The following IQCM variants were observed in gnomAD, a reference collection of about 807,000 sequenced individuals.
The protein encoded by IQCM is IQ domain-containing protein M.
A neutral mutation model predicts 57.6 loss-of-function variants in IQCM; 45 were observed. The ratio of observed to expected loss-of-function variants is 0.78; its 90% CI spans 0.62 to 1.00. IQCM has a LOEUF of 1.00. IQCM is among the 50% of genes least tolerant of loss of function. The pLI, the probability that IQCM is intolerant of heterozygous loss-of-function variation, is 0.00. For missense variants in IQCM, 468 were observed against 511.6 expected, an observed-to-expected ratio of 0.91 and a Z score of 0.82; for synonymous variants, 148 against 158.9, an observed-to-expected ratio of 0.93 and a Z score of 0.51.
intron 12 of IQCM, among the ~76,000 whole-genome samples, chr4:149,536,254 T>C (rs781283033): frequency 6.6e-6 from 1 of 151,964 alleles, no homozygotes; most frequent in Non-Finnish European, 1.5e-5. Context: ...CTGAAAACAA[T>C]AGAATCCCAT....
intron 13 of IQCM, among the ~76,000 whole-genome samples, chr4:149,386,191 G>A (rs1482767650): frequency 1.3e-5 from 2 of 152,084 alleles, no homozygotes; most frequent in Non-Finnish European, 2.9e-5. Context: ...CATGTTCACT[G>A]TGATGACACC....
chr4:149,606,867 G>GA (rs1754830488), intron 8 of IQCM, among the ~76,000 whole-genome samples: 1 of 151,720 alleles, frequency 6.6e-6, no homozygotes, highest in African/African-American at 2.4e-5. Flanking sequence ...ACACAAAAGA[G>GA]AAAAAAGAGA....
intron 13 of IQCM, among the ~76,000 whole-genome samples, chr4:149,356,872 C>A: frequency 6.6e-6 from 1 of 152,172 alleles, no homozygotes; most frequent in East Asian, 1.9e-4. Flanking sequence ...TCTTCCTACC[C>A]ATGAGCATGG....
intron 13 of IQCM, among the ~76,000 whole-genome samples, chr4:149,365,241 A>G (rs1469079829): frequency 6.6e-6 from 1 of 152,166 alleles, no homozygotes; most frequent in African/African-American, 2.4e-5. Context: ...AGACAAAAAG[A>G]TGGGGACATG....
At chr4:149,403,432 C>T (rs549623922) in intron 13 of IQCM, among the ~76,000 whole-genome samples, 20 of 152,038 alleles carry the variant, frequency 1.3e-4, no homozygotes, top group Admixed American at 9.9e-4. Context: ...ATGCCATTTA[C>T]AATGTTTTAG....
chr4:149,582,895 AATAAGAGGACTTG>A (rs987940589), intron 9 of IQCM, among the ~76,000 whole-genome samples: 1 of 150,256 alleles, frequency 6.7e-6, no homozygotes, highest in Non-Finnish European at 1.5e-5. Context: ...TTTGAGATAA[AATAAGAGGACTTG>A]ATCTCTTTCA....
chr4:149,473,945 G>A (rs1739882046), intron 12 of IQCM, among the ~76,000 whole-genome samples: 1 of 152,074 alleles, frequency 6.6e-6, no homozygotes, highest in African/African-American at 2.4e-5. Flanking sequence ...TGGACACAGG[G>A]TGGGGAACAT....
At chr4:149,576,565 G>C (rs753032995) in intron 9 of IQCM, among the ~76,000 whole-genome samples, 19 of 151,924 alleles carry the variant, frequency 1.3e-4, no homozygotes, top group Non-Finnish European at 1.9e-4. Flanking sequence ...TTACTGCAAA[G>C]AATAGGATTT....
At chr4:149,533,022 A>G (rs1503710) in intron 12 of IQCM, among the ~76,000 whole-genome samples, 32,616 of 152,052 alleles carry the variant, frequency 0.21, 4,376 homozygotes, top group Non-Finnish European at 0.29. Context: ...TGAAGCTGAG[A>G]CATGAGTCAA....
chr4:149,671,765 A>T (rs950716110), intron 7 of IQCM, among the ~76,000 whole-genome samples: 3 of 152,114 alleles, frequency 2.0e-5, no homozygotes, highest in African/African-American at 7.2e-5. Context: ...CAGGTTGTTC[A>T]GTTTCCATGT....
intron 13 of IQCM, among the ~76,000 whole-genome samples, chr4:149,363,355 A>G (rs919112352): frequency 3.3e-5 from 5 of 152,212 alleles, no homozygotes; most frequent in African/African-American, 9.6e-5. Context: ...GGGTGGGTCC[A>G]GGAATATGGA....
At chr4:149,585,819 G>A (rs1253502532) in intron 9 of IQCM, among the ~76,000 whole-genome samples, 3 of 151,630 alleles carry the variant, frequency 2.0e-5, no homozygotes, top group Admixed American at 1.3e-4. Flanking sequence ...GGACCTTGAA[G>A]AAGTCACTAA....
At chr4:149,514,327 T>C (rs982068418) in intron 12 of IQCM, among the ~76,000 whole-genome samples, 1 of 152,204 alleles carries the variant, frequency 6.6e-6, no homozygotes, top group African/African-American at 2.4e-5. Flanking sequence ...TATATTAGGA[T>C]TCCTCTCTTC....
intron 13 of IQCM, among the ~76,000 whole-genome samples, chr4:149,400,134 G>C (rs1732511113): frequency 6.6e-6 from 1 of 150,966 alleles, no homozygotes; most frequent in Admixed American, 6.6e-5. Context: ...ATGATGTCAT[G>C]TAACACTATT....
At chr4:149,433,602 G>C in intron 12 of IQCM, 45 bp from the exon 13 acceptor site, 2 of 773,504 alleles carry the variant, frequency 2.6e-6, no homozygotes, top group Non-Finnish European at 3.5e-6. Flanking sequence ...ACATTTTACA[G>C]ACTGTCATAC....
chr4:149,661,708 G>A (rs11932049), intron 7 of IQCM, among the ~76,000 whole-genome samples: 65,581 of 151,764 alleles, frequency 0.43, 14,508 homozygotes, highest in South Asian at 0.57. Flanking sequence ...GAATTTATAT[G>A]TTTCTTCTAT....
Position 149,632,491 on chromosome 4 carries a change from C to A in IQCM, c.566-11247G>T, listed in dbSNP as rs1402710544. On this transcript the variant is annotated intron_variant, in intron 7 of 13. Coordinates refer to ENST00000636793, the MANE Select transcript of IQCM (RefSeq NM_001363507.2). ...AAAAGATTATTAATTTTGTTATTTT[C>A]ATCTGTTTTTGATGACCAGCTTGTC... 1.1e-4 allele frequency among the ~76,000 whole-genome samples: 17 copies of A among 152,132 alleles called. No individual in the cohort carries two copies. In the South Asian group the frequency reaches 3.5e-3, roughly 32 times the overall value.
chr4:149,595,401 CA>C (rs1241303085), intron 8 of IQCM, among the ~76,000 whole-genome samples: 1 of 152,076 alleles, frequency 6.6e-6, no homozygotes, highest in Admixed American at 6.6e-5. Flanking sequence ...TTAATAAACA[CA>C]TCACTCACAT....
intron 12 of IQCM, among the ~76,000 whole-genome samples, chr4:149,535,391 G>A (rs1394562718): frequency 6.6e-6 from 1 of 151,828 alleles, no homozygotes; most frequent in African/African-American, 2.4e-5. Flanking sequence ...TCTCATCAGG[G>A]AGTTTATATT....
Sources: allele counts gnomAD v4.1 joint callset (sites outside exome capture counted in the v4.1 genomes callset), GRCh38; gene constraint gnomAD v4.1.1; transcripts MANE v1.5; gene names NCBI Gene and HGNC (gene_info 2026-07-23, HGNC 2026-07-21).